Variants in ABCA1 observed in about 807,000 individuals in gnomAD.
ABCA1 encodes phospholipid-transporting ATPase ABCA1.
In ABCA1, 133 loss-of-function variants were observed where a neutral mutation model predicts 262.5. The ratio of observed to expected loss-of-function variants is 0.51; its 90% CI spans 0.44 to 0.59. The LOEUF (loss-of-function observed/expected upper bound fraction) is 0.59, where lower values mean the gene tolerates loss of function less well. Ranked by LOEUF, ABCA1 falls within the 20% of genes least tolerant of loss-of-function variation. The pLI is 0.00. For missense variants in ABCA1, 2,452 were observed against 2,777.5 expected (o/e 0.88, Z 2.63); for synonymous variants, 1,022 against 1,043.5 (o/e 0.98, Z 0.40).
intron 5 of ABCA1, among the ~76,000 whole-genome samples, chr9:104,865,787 T>C (rs1837037889): frequency 6.6e-6 from 1 of 152,186 alleles, no homozygotes; most frequent in Non-Finnish European, 1.5e-5. Context: ...CAATATATGG[T>C]AATAATTTGT....
chr9:104,826,876 C>A, intron 16 of ABCA1, 72 bp downstream of exon 16: 1 of 1,389,866 alleles, frequency 7.2e-7, no homozygotes, highest in Non-Finnish European at 1.0e-6. Flanking sequence ...TCTCAACTTG[C>A]TGCTTTTATT....
intron 5 of ABCA1, among the ~76,000 whole-genome samples, chr9:104,869,332 C>G (rs1837388807): frequency 6.6e-6 from 1 of 152,104 alleles, no homozygotes; most frequent in African/African-American, 2.4e-5. Context: ...GGGGTGGGGC[C>G]TCCCAGCCTG....
At position 104,819,682 on chromosome 9, in the gene ABCA1, C is replaced by T. The variant is rs146451230; in HGVS notation, c.3145G>A (p.Gly1049Arg). ...RKLSVALAFV[G>R]GSKVVILDEP... ...TCCAGAATGACAACCTTAGATCCCC[C>T]GACAAAGGCCAAGGCCACAGATAGC... Residue 1049 changes from glycine (G) to arginine (R), a missense_variant, in exon 22 of 50, where the codon GGG (glycine) becomes AGG (arginine). Gly to Arg is a moderately radical substitution (Grantham distance 125). This residue lies in a region of ABCA1 where 665 missense variants were observed against 727.3 expected (regional missense o/e 0.91). Transcript: ENST00000374736. 9 of 1,614,070 alleles carry T rather than the reference C, an allele frequency of 5.6e-6. No individual in the cohort carries two copies. The highest frequency in any genetic ancestry group is 1.7e-5 in the Admixed American group (1 of 60,000).
rs781107607 is a variant in ABCA1, at chr9:104,817,366, C to A, written c.3501G>T (p.Leu1167=). ...GCGTGTCACTCTCATGGTCGCTGCC[C>A]AGGCCAGCATCAGAACTGCTCTGAG... ...SVSQSSSDAG[L]GSDHESDTLT... The change falls in exon 24 of 50, where the codon CTG becomes CTT. Residue 1167 remains leucine, a synonymous_variant. Coordinates refer to ENST00000374736, the MANE Select transcript of ABCA1 (RefSeq NM_005502.4). The surrounding 1 kb of genome is among the most constrained non-coding windows in gnomAD (Gnocchi z 4.7). 1.2e-6 allele frequency: 2 copies of A among 1,614,052 alleles called. No individual in the cohort carries two copies. The highest frequency in any genetic ancestry group is 2.7e-5 in the African/African-American group (2 of 74,908).
intron 1 of ABCA1, among the ~76,000 whole-genome samples, chr9:104,919,185 T>A (rs1842001213): frequency 6.6e-6 from 1 of 152,200 alleles, no homozygotes; most frequent in Non-Finnish European, 1.5e-5. Context: ...CTTCAAACTA[T>A]CCTCATGAGG....
rs758823672 is a variant in ABCA1 at position 104,826,978 on chromosome 9, G to T, written c.2307C>A (p.Asp769Glu). ...AGATCTTGAGTGTGAAGCCCACGTA[G>T]TCCTGCCATGCCACACACAGGACGT... The part of the protein sequence containing the change: ...LPYVLCVAWQ[D>E]YVGFTLKIFA... Residue 769 changes from aspartate to glutamate, a missense_variant, in exon 16 of 50, where the codon GAC becomes GAA. Transcript: ENST00000374736. 4 of 1,614,004 alleles carry T rather than the reference G, an allele frequency of 2.5e-6. No individual in the cohort carries two copies. The Admixed American group carries it at 6.7e-5, about 27-fold the overall frequency.
chr9:104,888,639 T>A (rs963572275), intron 3 of ABCA1, among the ~76,000 whole-genome samples: 5 of 152,198 alleles, frequency 3.3e-5, no homozygotes, highest in Admixed American at 2.6e-4. Flanking sequence ...ACAGATGATC[T>A]GAGTTCTATT....
In ABCA1 at chr9:104,800,096, A is replaced by G. The variant is rs1830204613; in HGVS notation, c.4774-108T>C. The G allele has an allele frequency of 3.2e-6, 4 of 1,248,666 alleles. No individual in the cohort carries two copies. The East Asian group carries it at 9.3e-5, about 29-fold the overall frequency. 77.3% of individuals were successfully genotyped at this position (1,248,666 alleles called of 1,614,324 possible). On this transcript the variant is annotated intron_variant, in intron 35 of 49. Transcript: ENST00000374736. ...TAAACCTCAGAAAGAAATTCTAGTCACATACCAAGGCAAAACACTATGATC... is the reference window on the plus strand; with the variant it reads ...TAAACCTCAGAAAGAAATTCTAGTCGCATACCAAGGCAAAACACTATGATC...
intron 11 of ABCA1, among the ~76,000 whole-genome samples, chr9:104,834,911 G>C (rs1833673013): frequency 6.6e-6 from 1 of 152,132 alleles, no homozygotes; most frequent in South Asian, 2.1e-4. Flanking sequence ...GGCTACAGGG[G>C]GTGACAAGCT....
At position 104,840,344 on chromosome 9, in the gene ABCA1, T is replaced by C; in HGVS notation, c.989A>G (p.Tyr330Cys). ...KSLNWYEDNN[Y>C]KALFGGNGTE... The stretch of plus-strand genomic sequence containing the variant: ...GCCATTGCCTCCAAAGAGGGCTTTG[T>C]AGTTGTTGTCCTCATACCAGTTGAG... The change falls in exon 9 of 50, where the codon TAC becomes TGC. Residue 330 changes from tyrosine to cysteine, a missense_variant. Physicochemically the swap from Tyr to Cys is radical, Grantham distance 194. Around this residue, in one of 4 missense-constraint regions of ABCA1, gnomAD observed 1,032 missense variants for 1,089.7 expected, o/e 0.95. Transcript: ENST00000374736. 6.2e-7 allele frequency: 1 copy of C among 1,614,200 alleles called. No individual in the cohort carries two copies. Among genetic ancestry groups the C allele is most frequent in the Non-Finnish European group, 8.5e-7 (1 of 1,180,042 alleles).
chr9:104,878,997 C>T lies in ABCA1; in HGVS notation c.421+4042G>A, dbSNP rs993914289. 2.9e-4 allele frequency among the ~76,000 whole-genome samples: 44 copies of T among 152,062 alleles called. 1 individual carries two copies. The highest frequency in any genetic ancestry group is 3.4e-3 in the Middle Eastern group (1 of 292). On this transcript the variant is annotated intron_variant, in intron 5 of 49. Transcript: ENST00000374736. ...TCTACAGAATCAAGAATCACTTGAA[C>T]CCAGGAGGCAGAGGCTGCAGTGAGC... is the stretch of plus-strand genomic sequence containing the variant.
chr9:104,808,110 T>C (rs1050507586), intron 30 of ABCA1, among the ~76,000 whole-genome samples: 8 of 151,792 alleles, frequency 5.3e-5, no homozygotes, highest in Non-Finnish European at 8.8e-5. Flanking sequence ...TCAAATTTCC[T>C]TCAGGTCCAC....
At position 104,803,307 on chromosome 9, in the gene ABCA1, G is replaced by A. The variant is rs1830496470; in HGVS notation, c.4569C>T (p.Asn1523=). ...ACCTAAACTCATTCACCCAGATCTT[G>A]TTCTTTAAGCTGCAGAGACAAAGAA... ...YVQIIAKSLK[N]KIWVNEFRYG... The change falls in exon 33 of 50, where the codon AAC becomes AAT. Residue 1523 remains asparagine (N), a synonymous_variant. Coordinates refer to ENST00000374736, the MANE Select transcript of ABCA1 (RefSeq NM_005502.4). 1.2e-6 allele frequency: 2 copies of A among 1,614,054 alleles called. No individual in the cohort carries two copies. The highest frequency in any genetic ancestry group is 1.7e-6 in the Non-Finnish European group (2 of 1,180,014).
rs369162752 is a variant in ABCA1, at chr9:104,825,693, A to C, written c.2532T>G (p.Ala844=). The part of the protein sequence containing the change: ...LYGVMTWYIE[A]VFPGQYGIPR... ...CCCAAAGCAGTGTACCTGGAAAGAC[A>C]GCCTCAATGTACCAGGTCATCACCC... The change falls in exon 17 of 50, where the codon GCT becomes GCG. Residue 844 remains alanine (A), a synonymous_variant. Transcript: ENST00000374736. 1.9e-6 allele frequency: 3 copies of C among 1,614,066 alleles called. No individual in the cohort carries two copies. In the African/African-American group the frequency reaches 4.0e-5, roughly 22 times the overall value.
At chr9:104,872,886 T>C (rs1428233673) in intron 5 of ABCA1, among the ~76,000 whole-genome samples, 1 of 152,268 alleles carries the variant, frequency 6.6e-6, no homozygotes, top group Non-Finnish European at 1.5e-5. Context: ...GGATACACAC[T>C]ATTCTGTAAT....
Position 104,820,816 on chromosome 9 carries a change from T to A in ABCA1, c.2960+559A>T, listed in dbSNP as rs1256353044. ...CCAGCATGACAATAATGGGAAGCAA[T>A]GTTTCCCAAGCCCCCATCCACTGGC... On this transcript the variant is annotated intron_variant, in intron 20 of 49. Transcript: ENST00000374736. 2.0e-5 allele frequency among the ~76,000 whole-genome samples: 3 copies of A among 151,998 alleles called. No individual in the cohort carries two copies. The South Asian group carries it at 6.2e-4, about 32-fold the overall frequency.
rs1834267079 is a variant in ABCA1, at chr9:104,840,467, G to C, written c.866C>G (p.Thr289Ser). ...SDMRQEVMFL[T>S]NVNSSSSSTQ... is the part of the protein sequence containing the mutation. Reference sequence around the variant, plus strand: ...GGAGGAGCTGGAGCTGTTCACATTGGTCAGAAACATCACCTCCTGTCGCAT... The same window carrying C: ...GGAGGAGCTGGAGCTGTTCACATTGCTCAGAAACATCACCTCCTGTCGCAT... The change falls in exon 9 of 50, where the codon ACC becomes AGC. Residue 289 changes from threonine to serine, a missense_variant. Coordinates refer to ENST00000374736, the MANE Select transcript of ABCA1 (RefSeq NM_005502.4). 1.1e-5 allele frequency: 17 copies of C among 1,614,136 alleles called. No individual in the cohort carries two copies. Among genetic ancestry groups the C allele is most frequent in the Non-Finnish European group, 1.4e-5 (16 of 1,180,028 alleles).
intron 1 of ABCA1, among the ~76,000 whole-genome samples, chr9:104,925,468 C>A (rs1394630405): frequency 1.3e-5 from 2 of 151,838 alleles, no homozygotes; most frequent in Non-Finnish European, 2.9e-5. Flanking sequence ...GCAGGGGAGA[C>A]AACATATCAC....
At chr9:104,845,715 A>G (rs1204581082) in intron 7 of ABCA1, 146 bp from the exon 8 acceptor site, 3 of 643,110 alleles carry the variant, frequency 4.7e-6, no homozygotes, top group Non-Finnish European at 8.3e-6. Flanking sequence ...AGACACTACA[A>G]TTATTTCTAA....
Sources: gnomAD v4.1 joint callset for allele counts (sites outside exome capture counted in the v4.1 genomes callset) on GRCh38, gnomAD v4.1.1 for gene constraint, gnomAD v4.1.1 regional missense constraint, Gnocchi (gnomAD v3.1) non-coding constraint, MANE v1.5 for transcripts, NCBI Gene and HGNC (gene_info 2026-07-23, HGNC 2026-07-21) for gene names.